The following TRPM1 variants were observed in gnomAD, a reference collection of about 807,000 sequenced individuals.
The protein encoded by TRPM1 is TRPM1-203 APA Isoform, Intron 10.
A neutral mutation model predicts 149.4 loss-of-function variants in TRPM1; 113 were observed. The observed-to-expected ratio is 0.76, with a 90% CI of 0.65 to 0.88. The LOEUF is 0.88. Among genes scored for constraint, TRPM1 ranks in the 40% least tolerant of loss-of-function variants. The pLI, the probability that TRPM1 is intolerant of heterozygous loss-of-function variation, is 0.00. For synonymous variants in TRPM1, 741 were observed against 759.5 expected (o/e 0.98, Z 0.40); for missense variants, 1,976 against 2,038.7 (o/e 0.97, Z 0.59).
intron 1 of TRPM1, among the ~76,000 whole-genome samples, chr15:31,137,272 A>T (rs958882353): frequency 3.3e-5 from 5 of 152,198 alleles, no homozygotes; most frequent in Non-Finnish European, 4.4e-5. Context: ...AGCAAAAGTC[A>T]TCGTGGCTCT....
chr15:31,091,444 C>G (rs888334138), intron 1 of TRPM1, among the ~76,000 whole-genome samples: 1 of 152,234 alleles, frequency 6.6e-6, no homozygotes, highest in Admixed American at 6.5e-5. Context: ...GATCTCAGCA[C>G]CACCTGTTTA....
At chr15:31,149,605 C>A (rs1048913749) in intron 1 of TRPM1, among the ~76,000 whole-genome samples, 3 of 151,210 alleles carry the variant, frequency 2.0e-5, no homozygotes, top group Non-Finnish European at 4.4e-5. Flanking sequence ...CTGCAAGCTC[C>A]GCCTCCCGGG....
Position 31,091,234 on chromosome 15 carries a change from C to T in TRPM1, c.-83-9796G>A, listed in dbSNP as rs1015765771. Among the ~76,000 whole-genome samples the T allele has an allele frequency of 3.3e-5, 5 of 152,280 alleles. No individual in the cohort carries two copies. In the South Asian group the frequency reaches 8.3e-4, roughly 25 times the overall value. ...CTCGCCTGCTGTGCTGGAGATCGGACACAATGAGACAGAGATGCTTCACTC... is the reference window on the plus strand; with the variant it reads ...CTCGCCTGCTGTGCTGGAGATCGGATACAATGAGACAGAGATGCTTCACTC... On this transcript the variant is annotated intron_variant, in intron 1 of 27. Coordinates refer to ENST00000256552, the MANE Select transcript of TRPM1 (RefSeq NM_001252024.2).
Position 31,002,969 on chromosome 15 carries a change from T to G in TRPM1, c.3731A>C (p.Glu1244Ala). 6.3e-7 allele frequency: 1 copy of G among 1,598,260 alleles called. No individual in the cohort carries two copies. The highest frequency in any genetic ancestry group is 1.1e-5 in the South Asian group (1 of 88,408). Reference protein sequence around the residue: ...TVDLRLAQLEELSNRMVNALE... With the variant: ...TVDLRLAQLEALSNRMVNALE... ...AGCATTCACCATTCTGTTAGATAAT[T>G]CTTCTAGCTGAGCAAGTCGAAGGTC... The change falls in exon 28 of 28, where the codon GAA (glutamate) becomes GCA (alanine). Residue 1244 changes from glutamate to alanine, a missense_variant. Physicochemically the swap from Glu to Ala is moderately radical, Grantham distance 107. Transcript: ENST00000256552.
At position 31,063,246 on chromosome 15, in the gene TRPM1, G is replaced by GC; in HGVS notation, c.836dup (p.Asn281Ter). 1 of 1,614,038 alleles carries GC rather than the reference G, an allele frequency of 6.2e-7. No individual in the cohort carries two copies. Among genetic ancestry groups the GC allele is most frequent in the South Asian group, 1.1e-5 (1 of 91,068 alleles). On this transcript the variant is annotated frameshift_variant, in exon 8 of 28. Coordinates refer to ENST00000256552, the MANE Select transcript of TRPM1 (RefSeq NM_001252024.2). LOFTEE classifies it high-confidence loss of function. ...CCAAGACGATGGACACCACGTTAGG[G>GC]CCCCCCTCCACCACGAGACCCACGA...
intron 1 of TRPM1, among the ~76,000 whole-genome samples, chr15:31,125,974 T>C (rs2035946376): frequency 6.7e-6 from 1 of 150,300 alleles, no homozygotes; most frequent in African/African-American, 2.4e-5. Context: ...CTACTAAAAA[T>C]ACAAAAAAAT....
chr15:31,066,072 T>C lies in TRPM1; in HGVS notation c.790+4A>G. ...GAGGACTGCGTGCCTTTGCCAGCAC[T>C]TACTTGTGTTGATCTTCTGCAGGGA... On this transcript the variant is annotated splice_donor_region_variant and intron_variant, in intron 7 of 27. Coordinates refer to ENST00000256552, the MANE Select transcript of TRPM1 (RefSeq NM_001252024.2). 6.2e-7 allele frequency: 1 copy of C among 1,613,676 alleles called. No homozygotes were observed. Among genetic ancestry groups the C allele is most frequent in the Non-Finnish European group, 8.5e-7 (1 of 1,179,566 alleles).
At chr15:31,125,826 C>A (rs1354203264) in intron 1 of TRPM1, among the ~76,000 whole-genome samples, 1 of 144,790 alleles carries the variant, frequency 6.9e-6, no homozygotes, top group Non-Finnish European at 1.5e-5. Flanking sequence ...CCTAATAATA[C>A]AAATTAAAAT....
upstream of TRPM1, among the ~76,000 whole-genome samples, chr15:31,104,405 C>A (rs752471555): frequency 1.3e-5 from 2 of 152,134 alleles, no homozygotes; most frequent in Non-Finnish European, 2.9e-5. Context: ...TTGTTCCCTG[C>A]ACTTCCTGAC....
chr15:31,125,506 G>A (rs551326621), intron 1 of TRPM1, among the ~76,000 whole-genome samples: 39 of 151,472 alleles, frequency 2.6e-4, no homozygotes, highest in Admixed American at 1.3e-4. Context: ...CGAGGCGGGC[G>A]GATCACGAGG....
chr15:31,005,807 T>TGGTGACTGG (rs1371589324), intron 27 of TRPM1, among the ~76,000 whole-genome samples: 2 of 152,232 alleles, frequency 1.3e-5, no homozygotes, highest in Admixed American at 6.5e-5. Context: ...TAACCATGGT[T>TGGTGACTGG]GGTGACTTCC....
At chr15:31,156,195 C>CAAAAAAAAAAAA (rs35981768) in intron 1 of TRPM1, among the ~76,000 whole-genome samples, 1 of 36,638 alleles carries the variant, frequency 2.7e-5, no homozygotes, top group African/African-American at 1.0e-4. Context: ...AGACCTCTGT[C>CAAAAAAAAAAAA]AAAAAAAAAA....
At chr15:31,042,285 T>A (rs761394037) in intron 16 of TRPM1, 42 bp from the exon 17 acceptor site, 69 of 1,546,828 alleles carry the variant, frequency 4.5e-5, no homozygotes, top group Non-Finnish European at 5.9e-5. Flanking sequence ...GCCATAAAAG[T>A]ATGCAACAAA....
At chr15:31,105,959 T>C (rs1240728444), upstream of TRPM1, among the ~76,000 whole-genome samples, 4 of 152,230 alleles carry the variant, frequency 2.6e-5, no homozygotes, top group Admixed American at 6.5e-5. Context: ...GAATTTTCCA[T>C]TGGATTTCCA....
Position 31,041,681 on chromosome 15 carries a change from C to T in TRPM1, c.2087+270G>A, listed in dbSNP as rs1007872521. Among the ~76,000 whole-genome samples the T allele has an allele frequency of 3.9e-5, 6 of 152,170 alleles. No homozygotes were observed. The South Asian group carries it at 1.0e-3, about 26-fold the overall frequency. The stretch of plus-strand genomic sequence containing the variant: ...TCCCTATGGAAATTAATTTCACCAT[C>T]TTTGCATTAAAATTGTGTTTCAAGG... On this transcript the variant is annotated intron_variant, in intron 17 of 27. Transcript: ENST00000256552.
chr15:31,088,774 G>A (rs556923645), intron 1 of TRPM1, among the ~76,000 whole-genome samples: 2 of 143,966 alleles, frequency 1.4e-5, no homozygotes, highest in South Asian at 4.4e-4. Flanking sequence ...CCCAACCATG[G>A]TATCAAACAC....
Position 31,028,483 on chromosome 15 carries a change from G to GA in TRPM1, c.3149-8dup, listed in dbSNP as rs764060431. 5.6e-6 allele frequency: 9 copies of GA among 1,613,146 alleles called. No homozygotes were observed. The African/African-American group carries it at 1.2e-4, about 22-fold the overall frequency. On this transcript the variant is annotated splice_region_variant and splice_polypyrimidine_tract_variant and intron_variant, in intron 24 of 27. Transcript: ENST00000256552. ...AGGTTCTCACCACAAGGAGCTGAAAGAAAAAAATAGTTTTGTCTTTGCTTT... is the reference window on the plus strand; with the variant it reads ...AGGTTCTCACCACAAGGAGCTGAAAGAAAAAAAATAGTTTTGTCTTTGCTTT...
intron 1 of TRPM1, among the ~76,000 whole-genome samples, chr15:31,089,770 C>G (rs1001820552): frequency 1.3e-5 from 2 of 152,178 alleles, no homozygotes; most frequent in African/African-American, 4.8e-5. Flanking sequence ...TATCATTTTC[C>G]TCAACATGGT....
intron 1 of TRPM1, among the ~76,000 whole-genome samples, chr15:31,140,913 C>T (rs957160563): frequency 7.9e-5 from 12 of 152,164 alleles, no homozygotes; most frequent in Non-Finnish European, 1.0e-4. Flanking sequence ...CCTCCAACTC[C>T]TGGGTTCAAG....
Sources: allele counts gnomAD v4.1 joint callset (sites outside exome capture counted in the v4.1 genomes callset), GRCh38; gene constraint gnomAD v4.1.1; transcripts MANE v1.5; gene names NCBI Gene and HGNC (gene_info 2026-07-23, HGNC 2026-07-21).